The following RNF170 variants were observed in gnomAD, a reference collection of about 807,000 sequenced individuals.
RNF170 encodes the protein E3 ubiquitin-protein ligase RNF170.
In RNF170, 12 loss-of-function variants were observed where a neutral mutation model predicts 32.7. The observed-to-expected ratio is 0.37, with a 90% CI of 0.24 to 0.60. The LOEUF is 0.60. RNF170 is among the 20% of genes least tolerant of loss of function. RNF170 has a pLI of 0.72. For missense variants in RNF170, 212 were observed against 311.2 expected, an observed-to-expected ratio of 0.68 and a Z score of 2.40; for synonymous variants, 91 against 103.6, an observed-to-expected ratio of 0.88 and a Z score of 0.74.
intron 6 of RNF170, among the ~76,000 whole-genome samples, chr8:42,858,265 A>G (rs1803392716): frequency 6.6e-6 from 1 of 152,150 alleles, no homozygotes. Flanking sequence ...AAAAATGGGT[A>G]AATCTACCCA....
rs575647582 is a variant in RNF170 at position 42,888,687 on chromosome 8, G to A, written c.-7-816C>T. ...GCAGGAGAATCGCTTGAACCTGGGA[G>A]GCAGAGGTTGTAGTGAGGCCCAGAG... is the stretch of plus-strand genomic sequence containing the variant. On this transcript the variant is annotated intron_variant, in intron 1 of 6. Transcript: ENST00000527424. Among the ~76,000 whole-genome samples, 7 of 152,218 alleles carry A rather than the reference G, an allele frequency of 4.6e-5. No homozygotes were observed. In the East Asian group the frequency reaches 1.4e-3, roughly 30 times the overall value.
chr8:42,862,589 T>C (rs575339292), intron 5 of RNF170, among the ~76,000 whole-genome samples: 122 of 152,222 alleles, frequency 8.0e-4, no homozygotes, highest in Non-Finnish European at 1.3e-3. Context: ...GGTGGCCGAT[T>C]TAGTTTTAAA....
At chr8:42,852,411 ATTCAT>A (rs1227405384), downstream of RNF170, among the ~76,000 whole-genome samples, 11 of 151,968 alleles carry the variant, frequency 7.2e-5, no homozygotes, top group African/African-American at 2.7e-4. Flanking sequence ...TAATTTATTT[ATTCAT>A]TTATTTTTTT....
intron 2 of RNF170, among the ~76,000 whole-genome samples, chr8:42,880,079 T>G (rs1384112554): frequency 6.6e-6 from 1 of 152,164 alleles, no homozygotes; most frequent in Non-Finnish European, 1.5e-5. Context: ...GGTTCAGGAC[T>G]TCAGAGGAAG....
chr8:42,880,119 A>C (rs1805270673), intron 2 of RNF170, among the ~76,000 whole-genome samples: 1 of 152,250 alleles, frequency 6.6e-6, no homozygotes, highest in Non-Finnish European at 1.5e-5. Flanking sequence ...GGAAACAGCA[A>C]GGAAACTAGA....
chr8:42,880,173 G>T (rs1257608701), intron 2 of RNF170, among the ~76,000 whole-genome samples: 4 of 152,202 alleles, frequency 2.6e-5, no homozygotes, highest in African/African-American at 9.6e-5. Context: ...GCTGCATCAT[G>T]ACAATACTTG....
intron 1 of RNF170, among the ~76,000 whole-genome samples, chr8:42,895,244 G>A (rs1806687484): frequency 1.3e-5 from 2 of 152,120 alleles, no homozygotes; most frequent in Admixed American, 1.3e-4. Context: ...GAGCCCAGGA[G>A]GCAGAGGTTG....
chr8:42,893,830 C>G (rs973554878), intron 1 of RNF170, among the ~76,000 whole-genome samples: 1 of 152,148 alleles, frequency 6.6e-6, no homozygotes, highest in Non-Finnish European at 1.5e-5. Flanking sequence ...CCTGGGAAGA[C>G]AGGATGCAAT....
intron 4 of RNF170, 142 bp downstream of exon 4, chr8:42,869,862 G>A: frequency 1.4e-6 from 1 of 704,638 alleles, no homozygotes; most frequent in South Asian, 1.5e-5. Flanking sequence ...TGGTTGACAA[G>A]TAGAGCAGGA....
downstream of RNF170, among the ~76,000 whole-genome samples, chr8:42,851,611 C>T (rs1802945899): frequency 6.6e-6 from 1 of 151,722 alleles, no homozygotes; most frequent in African/African-American, 2.4e-5. Context: ...GAGAAGGATT[C>T]AGATATTAAC....
chr8:42,886,316 T>G (rs996767086), intron 2 of RNF170, among the ~76,000 whole-genome samples: 1 of 152,148 alleles, frequency 6.6e-6, no homozygotes, highest in Admixed American at 6.5e-5. Flanking sequence ...TATTAAAACA[T>G]TAGTCAGGAA....
intron 5 of RNF170, among the ~76,000 whole-genome samples, 168 bp downstream of exon 5, chr8:42,865,248 T>TA (rs968285608): frequency 6.4e-5 from 9 of 140,262 alleles, no homozygotes; most frequent in Admixed American, 1.4e-4. Context: ...TCAAAAAAAA[T>TA]AAAAAAAAAT....
chr8:42,897,261 C>T (rs938300933), upstream of RNF170: 113 of 1,058,450 alleles, frequency 1.1e-4, no homozygotes, highest in African/African-American at 1.7e-3. Flanking sequence ...ACGCGCGGCC[C>T]GTGGGGCGAG....
At chr8:42,876,647 T>A (rs914684657) in intron 2 of RNF170, among the ~76,000 whole-genome samples, 12 of 150,814 alleles carry the variant, frequency 8.0e-5, no homozygotes, top group African/African-American at 2.9e-4. Flanking sequence ...GGTTATTTGT[T>A]TTTTTGTGGG....
chr8:42,885,502 G>A (rs998728939), intron 2 of RNF170, among the ~76,000 whole-genome samples: 8 of 152,224 alleles, frequency 5.3e-5, no homozygotes, highest in South Asian at 2.1e-4. Flanking sequence ...CACAGCAACT[G>A]TACCATTTTA....
intron 1 of RNF170, among the ~76,000 whole-genome samples, chr8:42,892,673 C>T (rs73635316): frequency 0.048 from 6,952 of 144,132 alleles, 330 homozygotes; most frequent in African/African-American, 0.12. Context: ...TCTGTTGCAG[C>T]GTTTTTTTTT....
intron 4 of RNF170, among the ~76,000 whole-genome samples, chr8:42,868,200 A>G (rs1043083277): frequency 2.6e-5 from 4 of 152,244 alleles, no homozygotes; most frequent in African/African-American, 9.6e-5. Context: ...GATTACTGAA[A>G]GAGCACAAGG....
intron 1 of RNF170, among the ~76,000 whole-genome samples, chr8:42,890,363 TG>T (rs1806197309): frequency 6.6e-6 from 1 of 151,704 alleles, no homozygotes; most frequent in Non-Finnish European, 1.5e-5. Flanking sequence ...CTGCAAGCTC[TG>T]CCTCCCGGGT....
downstream of RNF170, among the ~76,000 whole-genome samples, chr8:42,852,637 A>G (rs530572554): frequency 5.3e-5 from 8 of 152,132 alleles, no homozygotes; most frequent in African/African-American, 1.4e-4. Flanking sequence ...GGCTGGTCTC[A>G]AACTCCTGAC....
Sources: allele counts gnomAD v4.1 joint callset (sites outside exome capture counted in the v4.1 genomes callset), GRCh38; gene constraint gnomAD v4.1.1; transcripts MANE v1.5; gene names NCBI Gene and HGNC (gene_info 2026-07-23, HGNC 2026-07-21).